ZNF385B: variants seen among roughly 807,000 people sequenced by gnomAD.
The protein encoded by ZNF385B is zinc finger protein 385B.
ZNF385B carries 23 observed loss-of-function variants against 39.2 expected under a neutral mutation model. That is an observed-to-expected ratio of 0.59 (90% confidence interval 0.42 to 0.83). ZNF385B has a LOEUF of 0.83. Ranked by LOEUF, ZNF385B falls within the 40% of genes least tolerant of loss-of-function variation. The pLI, the probability that ZNF385B is intolerant of heterozygous loss-of-function variation, is 0.00. For synonymous variants in ZNF385B, 205 were observed against 222.6 expected, an observed-to-expected ratio of 0.92 and a Z score of 0.70; for missense variants, 552 against 598.9, an observed-to-expected ratio of 0.92 and a Z score of 0.82.
At chr2:179,481,350 A>G (rs1008055712) in intron 6 of ZNF385B, among the ~76,000 whole-genome samples, 1 of 150,048 alleles carries the variant, frequency 6.7e-6, no homozygotes, top group African/African-American at 2.5e-5. Context: ...CTATTTCCGT[A>G]TTGCTCTTTG....
At chr2:179,779,259 C>G (rs1704525399) in intron 1 of ZNF385B, among the ~76,000 whole-genome samples, 1 of 152,172 alleles carries the variant, frequency 6.6e-6, no homozygotes, top group Admixed American at 6.5e-5. Flanking sequence ...AAAAACACTG[C>G]AGGCAAAGGA....
intron 3 of ZNF385B, among the ~76,000 whole-genome samples, chr2:179,665,357 T>C (rs529127653): frequency 6.6e-6 from 1 of 152,358 alleles, no homozygotes; most frequent in African/African-American, 2.4e-5. Context: ...ATCAGAAGCT[T>C]TCAGAGAGGT....
At chr2:179,571,428 G>A (rs1685203249) in intron 3 of ZNF385B, among the ~76,000 whole-genome samples, 1 of 152,154 alleles carries the variant, frequency 6.6e-6, no homozygotes, top group Admixed American at 6.6e-5. Context: ...CAAGCCCGAA[G>A]GAAGATTACC....
intron 3 of ZNF385B, among the ~76,000 whole-genome samples, chr2:179,710,701 G>C (rs1699937543): frequency 6.6e-6 from 1 of 152,112 alleles, no homozygotes; most frequent in African/African-American, 2.4e-5. Context: ...GCCCTTTCTT[G>C]TACCCACTAA....
Position 179,443,249 on chromosome 2 carries a change from G to A in ZNF385B, c.*1C>T, listed in dbSNP as rs368089964. On this transcript the variant is annotated 3_prime_UTR_variant, in exon 10 of 10. Transcript: ENST00000410066. Reference sequence around the variant, plus strand: ...CTCAAACGTCTTGGGGTTTGCAGACGTTAGTACGGAGCAAAGAGGATGGAG... The same window carrying A: ...CTCAAACGTCTTGGGGTTTGCAGACATTAGTACGGAGCAAAGAGGATGGAG... 37 of 1,612,166 alleles carry A rather than the reference G, an allele frequency of 2.3e-5. No homozygotes were observed. The highest frequency in any genetic ancestry group is 3.0e-5 in the Non-Finnish European group (35 of 1,180,020).
chr2:179,742,803 C>T (rs201538618), intron 3 of ZNF385B, among the ~76,000 whole-genome samples: 1 of 152,024 alleles, frequency 6.6e-6, no homozygotes, highest in Non-Finnish European at 1.5e-5. Flanking sequence ...TGTTTCTCAA[C>T]TAAAACAGGT....
intron 3 of ZNF385B, among the ~76,000 whole-genome samples, chr2:179,567,913 C>T (rs1559492852): frequency 1.3e-5 from 2 of 152,132 alleles, no homozygotes; most frequent in South Asian, 2.1e-4. Context: ...GGGATCTTTC[C>T]GGGACCACTT....
intron 3 of ZNF385B, among the ~76,000 whole-genome samples, chr2:179,684,080 G>A (rs73973625): frequency 1.9e-3 from 288 of 152,106 alleles, no homozygotes; most frequent in African/African-American, 6.5e-3. Flanking sequence ...TAATAATAAT[G>A]AGCACATACA....
intron 3 of ZNF385B, among the ~76,000 whole-genome samples, chr2:179,655,224 A>G (rs948772119): frequency 6.6e-6 from 1 of 152,198 alleles, no homozygotes; most frequent in Admixed American, 6.5e-5. Context: ...GTCAAGAATT[A>G]CAAAGCCACA....
rs1201210026 is a variant in ZNF385B at position 179,553,798 on chromosome 2, A to G, written c.299-8829T>C. ...ATCTTAGAGTTTTTAATATACTAAC[A>G]GGCACTGTGGACATCTAGGCAGAAA... On this transcript the variant is annotated intron_variant, in intron 3 of 9. Transcript: ENST00000410066. Among the ~76,000 whole-genome samples, 2 of 149,452 alleles carry G rather than the reference A, an allele frequency of 1.3e-5. 1 individual carries two copies. The highest frequency in any genetic ancestry group is 5.0e-5 in the African/African-American group (2 of 39,726).
chr2:179,503,356 C>G (rs1458565947), intron 5 of ZNF385B, among the ~76,000 whole-genome samples: 1 of 152,166 alleles, frequency 6.6e-6, no homozygotes, highest in East Asian at 1.9e-4. Flanking sequence ...TTTGCCTACA[C>G]CTGAATGATC....
chr2:179,796,086 A>C (rs1705643742), intron 1 of ZNF385B: 1 of 152,188 alleles, frequency 6.6e-6, no homozygotes, highest in South Asian at 2.1e-4. Context: ...AACTTATTTT[A>C]AGATTGAAGA....
At chr2:179,841,199 T>TA (rs1708518039) in intron 1 of ZNF385B, among the ~76,000 whole-genome samples, 1 of 152,176 alleles carries the variant, frequency 6.6e-6, no homozygotes, top group African/African-American at 2.4e-5. Context: ...AAGGGAACAA[T>TA]AATTCATGGG....
At position 179,693,611 on chromosome 2, in the gene ZNF385B, CG is replaced by C. The variant is rs546992845; in HGVS notation, c.298+75891del. Among the ~76,000 whole-genome samples, 141 of 152,258 alleles carry C rather than the reference CG, an allele frequency of 9.3e-4. 1 individual carries two copies. The highest frequency in any genetic ancestry group is 3.2e-3 in the African/African-American group (135 of 41,546). On this transcript the variant is annotated intron_variant, in intron 3 of 9. Coordinates refer to ENST00000410066, the MANE Select transcript of ZNF385B (RefSeq NM_152520.6). Reference sequence around the variant, plus strand: ...AAAAAATCCAGAGTTTCATTGGCTACGTTTTTTTGACATTGGTGTCCTGCTC... The same window carrying C: ...AAAAAATCCAGAGTTTCATTGGCTACTTTTTTTGACATTGGTGTCCTGCTC...
chr2:179,450,704 G>A (rs530331502), intron 6 of ZNF385B, among the ~76,000 whole-genome samples: 41 of 152,146 alleles, frequency 2.7e-4, no homozygotes, highest in Middle Eastern at 6.8e-3. Flanking sequence ...ATTCCTCAGG[G>A]ATCTAGAACT....
intron 6 of ZNF385B, among the ~76,000 whole-genome samples, chr2:179,468,583 A>G (rs533392110): frequency 6.6e-6 from 1 of 152,318 alleles, no homozygotes; most frequent in East Asian, 1.9e-4. Flanking sequence ...CTTTGAAATG[A>G]ATGGCTCTTT....
At chr2:179,529,160 T>A (rs913093638) in intron 4 of ZNF385B, among the ~76,000 whole-genome samples, 1 of 152,194 alleles carries the variant, frequency 6.6e-6, no homozygotes, top group African/African-American at 2.4e-5. Flanking sequence ...AGGTTTTAAA[T>A]GCACACTGAA....
intron 3 of ZNF385B, among the ~76,000 whole-genome samples, chr2:179,695,221 A>G (rs1484045403): frequency 6.6e-6 from 1 of 152,174 alleles, no homozygotes; most frequent in Admixed American, 6.5e-5. Context: ...TACTTCATTG[A>G]CTGCACTGCT....
At chr2:179,850,154 A>T (rs1575597376) in intron 1 of ZNF385B, among the ~76,000 whole-genome samples, 1 of 152,202 alleles carries the variant, frequency 6.6e-6, no homozygotes, top group East Asian at 1.9e-4. Flanking sequence ...TAATTGTTCA[A>T]TCATCTTTTA....
Sources: gnomAD v4.1 joint callset for allele counts (sites outside exome capture counted in the v4.1 genomes callset) on GRCh38, gnomAD v4.1.1 for gene constraint, MANE v1.5 for transcripts, NCBI Gene and HGNC (gene_info 2026-07-23, HGNC 2026-07-21) for gene names.